DACH2: variants seen among roughly 807,000 people sequenced by gnomAD.
DACH2 encodes the protein dachshund family transcription factor 2.
Under a neutral mutation model 35.8 loss-of-function variants are expected in DACH2, and 17 were observed. That is an observed-to-expected ratio of 0.48 (90% CI 0.33 to 0.71). The LOEUF (loss-of-function observed/expected upper bound fraction) is 0.71. Among genes scored for constraint, DACH2 ranks in the 30% least tolerant of loss-of-function variants. The probability of loss-of-function intolerance (pLI) is 0.02; values close to 1 mark genes in which losing one functional copy is unlikely to be tolerated. For missense variants in DACH2, 469 were observed against 472.7 expected (o/e 0.99, Z 0.07); for synonymous variants, 195 against 177.3 (o/e 1.10, Z -0.79).
At chrX:86,399,436 G>A (rs990666677) in intron 2 of DACH2, among the ~76,000 whole-genome samples, 1 of 111,546 alleles carries the variant, frequency 9.0e-6, no homozygotes, top group Admixed American at 9.5e-5. Flanking sequence ...GATGTTAACT[G>A]GTTATTTTGC....
chrX:86,825,419 A>G (rs1233346149), intron 11 of DACH2, among the ~76,000 whole-genome samples: 3 of 56,439 alleles, frequency 5.3e-5, no homozygotes, highest in Admixed American at 1.4e-4. Flanking sequence ...TCTGTCTCAG[A>G]AAAAAAAAAG....
At chrX:86,411,020 T>TTTTATATATATATATATATATATATA (rs1556108950) in intron 2 of DACH2, among the ~76,000 whole-genome samples, 31 of 40,506 alleles carry the variant, frequency 7.7e-4, no homozygotes, top group South Asian at 1.8e-3. Context: ...ACTAATATGA[T>TTTTATATATATATATATATATATATA]TATATATATA....
intron 1 of DACH2, among the ~76,000 whole-genome samples, chrX:86,292,571 A>G (rs1053142822): frequency 1.8e-5 from 2 of 110,955 alleles, no homozygotes; most frequent in African/African-American, 6.6e-5. Flanking sequence ...TTAGTGCTAT[A>G]AATTTCCCTC....
intron 3 of DACH2, among the ~76,000 whole-genome samples, chrX:86,545,174 T>C (rs1450436861): frequency 8.9e-6 from 1 of 111,831 alleles, no homozygotes; most frequent in Non-Finnish European, 1.9e-5. Flanking sequence ...AACAGGAGAT[T>C]TGATTAAGAA....
intron 2 of DACH2, among the ~76,000 whole-genome samples, chrX:86,447,139 G>GT (rs1167574311): frequency 3.0e-5 from 3 of 100,267 alleles, no homozygotes; most frequent in Admixed American, 1.1e-4. Flanking sequence ...TTTTGATGGG[G>GT]TTTTTTGTTT....
intron 2 of DACH2, among the ~76,000 whole-genome samples, chrX:86,469,084 A>T (rs2037722100): frequency 9.0e-6 from 1 of 111,703 alleles, no homozygotes; most frequent in Admixed American, 9.6e-5. Flanking sequence ...ATATTATGTG[A>T]AATGAAATAA....
intron 2 of DACH2, among the ~76,000 whole-genome samples, chrX:86,416,119 A>T (rs1341093155): frequency 8.9e-6 from 1 of 112,196 alleles, no homozygotes; most frequent in African/African-American, 3.2e-5. Flanking sequence ...ACTGAAAAAT[A>T]TATGTTTAGG....
intron 2 of DACH2, among the ~76,000 whole-genome samples, chrX:86,450,648 G>A (rs975006599): frequency 2.7e-5 from 3 of 110,358 alleles, no homozygotes; most frequent in East Asian, 2.9e-4. Flanking sequence ...GAATTGCCAC[G>A]CTGTCTTCCA....
chrX:86,552,928 A>C (rs2039070113), intron 3 of DACH2, among the ~76,000 whole-genome samples: 1 of 111,332 alleles, frequency 9.0e-6, no homozygotes, highest in African/African-American at 3.3e-5. Flanking sequence ...ACAGCATAGT[A>C]TATAATCAGG....
At chrX:86,405,535 A>G (rs73631932) in intron 2 of DACH2, among the ~76,000 whole-genome samples, 1,261 of 111,448 alleles carry the variant, frequency 0.011, 18 homozygotes, top group African/African-American at 0.039. Context: ...GGTCAAAGCC[A>G]TTCAACAAGT....
At chrX:86,156,534 A>G (rs1220326192) in intron 1 of DACH2, among the ~76,000 whole-genome samples, 2 of 111,747 alleles carry the variant, frequency 1.8e-5, no homozygotes, top group African/African-American at 3.2e-5. Context: ...TACACATGTA[A>G]AGGTATCAAA....
At chrX:86,650,955 C>T in intron 3 of DACH2, 81 bp from the exon 4 acceptor site, 2 of 896,934 alleles carry the variant, frequency 2.2e-6, no homozygotes, top group South Asian at 2.7e-5. Context: ...GAAAAGCCTG[C>T]ACTTGTACCC....
intron 11 of DACH2, among the ~76,000 whole-genome samples, chrX:86,820,184 G>GA (rs756704053): frequency 1.8e-5 from 2 of 110,926 alleles, no homozygotes; most frequent in South Asian, 3.7e-4. Flanking sequence ...TTTGTTTGGG[G>GA]AAAAAAAATA....
At chrX:86,777,379 T>C (rs1005330572) in intron 7 of DACH2, among the ~76,000 whole-genome samples, 11 of 111,189 alleles carry the variant, frequency 9.9e-5, no homozygotes, top group Non-Finnish European at 1.9e-4. Flanking sequence ...GCTGCATACC[T>C]TCACACTTGT....
intron 3 of DACH2, among the ~76,000 whole-genome samples, chrX:86,553,877 T>A (rs560100929): frequency 9.0e-6 from 1 of 111,572 alleles, no homozygotes; most frequent in African/African-American, 3.3e-5. Context: ...TACAAATGAT[T>A]CATGGGTAAC....
intron 3 of DACH2, among the ~76,000 whole-genome samples, chrX:86,550,874 G>A (rs776512989): frequency 6.3e-5 from 7 of 111,802 alleles, no homozygotes; most frequent in East Asian, 2.8e-4. Flanking sequence ...AATTCCTAAA[G>A]GTTGTCTTAC....
At chrX:86,615,013 A>T (rs2039987429) in intron 3 of DACH2, among the ~76,000 whole-genome samples, 3 of 111,764 alleles carry the variant, frequency 2.7e-5, no homozygotes, top group South Asian at 7.5e-4. Context: ...AACAAAGTGA[A>T]TAGGTCCATA....
intron 3 of DACH2, among the ~76,000 whole-genome samples, chrX:86,549,769 A>G (rs2039023245): frequency 9.0e-6 from 1 of 111,490 alleles, no homozygotes; most frequent in Admixed American, 9.6e-5. Flanking sequence ...TTTAGATGAT[A>G]AAATGTATTT....
At chrX:86,270,025 ATATATATATATATATT>A (rs2033785326) in intron 1 of DACH2, among the ~76,000 whole-genome samples, 1 of 95,409 alleles carries the variant, frequency 1.0e-5, no homozygotes, top group East Asian at 3.1e-4. Flanking sequence ...TATATATATT[ATATATATATATATATT>A]TTTTTTTTTT....
Sources: gnomAD v4.1 joint callset for allele counts (sites outside exome capture counted in the v4.1 genomes callset) on GRCh38, gnomAD v4.1.1 for gene constraint, MANE v1.5 for transcripts, NCBI Gene and HGNC (gene_info 2026-07-23, HGNC 2026-07-21) for gene names.